The following DNAJC3 variants were observed in gnomAD, a reference collection of about 807,000 sequenced individuals.
The protein encoded by DNAJC3 is dnaJ homolog subfamily C member 3.
A neutral mutation model predicts 68.6 loss-of-function variants in DNAJC3; 38 were observed. That is an observed-to-expected ratio of 0.55 (90% CI 0.43 to 0.73). The LOEUF (loss-of-function observed/expected upper bound fraction) is 0.73, where lower values mean the gene tolerates loss of function less well. DNAJC3 is among the 30% of genes least tolerant of loss of function. The pLI, the probability that DNAJC3 is intolerant of heterozygous loss-of-function variation, is 0.00. For missense variants in DNAJC3, 526 were observed against 591.9 expected (o/e 0.89, Z 1.16); for synonymous variants, 203 against 204.0 (o/e 1.00, Z 0.04).
chr13:95,695,561 C>T (rs958136410), intron 1 of DNAJC3: 1 of 152,254 alleles, frequency 6.6e-6, no homozygotes, highest in African/African-American at 2.4e-5. Context: ...TAGTGGCGGA[C>T]TTGCTTACAG....
intron 9 of DNAJC3, among the ~76,000 whole-genome samples, chr13:95,781,722 C>T (rs761489582): frequency 1.3e-5 from 2 of 150,926 alleles, no homozygotes; most frequent in Non-Finnish European, 2.9e-5. Context: ...ACATGGTATT[C>T]TTTATCTAGG....
chr13:95,696,892 C>T (rs970825313), intron 1 of DNAJC3, among the ~76,000 whole-genome samples: 3 of 151,946 alleles, frequency 2.0e-5, no homozygotes, highest in African/African-American at 4.8e-5. Context: ...ACTACAGGCG[C>T]CCACCACCGC....
intron 1 of DNAJC3, chr13:95,693,254 A>G (rs1880330356): frequency 6.6e-6 from 1 of 152,234 alleles, no homozygotes; most frequent in African/African-American, 2.4e-5. Context: ...CTCCCTTATT[A>G]TTGGCAGCTT....
chr13:95,740,699 G>T (rs1213447776), intron 4 of DNAJC3, among the ~76,000 whole-genome samples: 1 of 152,190 alleles, frequency 6.6e-6, no homozygotes, highest in Non-Finnish European at 1.5e-5. Flanking sequence ...CCACTGACCT[G>T]CGCCCACTGT....
In DNAJC3 at chr13:95,787,049, A is replaced by G; in HGVS notation, c.1251A>G (p.Leu417=). The change falls in exon 11 of 12, where the codon TTA becomes TTG. Residue 417 remains leucine, a synonymous_variant. Coordinates refer to ENST00000602402, the MANE Select transcript of DNAJC3 (RefSeq NM_006260.5). ...KQEIIKAYRK[L]ALQWHPDNFQ... is the part of the protein sequence containing the mutation. ...AAATTATTAAAGCATACCGAAAATT[A>G]GCACTGCAGTGGCACCCAGATAACT... 1 of 1,612,506 alleles carries G rather than the reference A, an allele frequency of 6.2e-7. No individual in the cohort carries two copies. The highest frequency in any genetic ancestry group is 8.5e-7 in the Non-Finnish European group (1 of 1,179,644).
intron 9 of DNAJC3, among the ~76,000 whole-genome samples, chr13:95,783,860 G>A (rs557986442): frequency 2.0e-5 from 3 of 151,878 alleles, no homozygotes; most frequent in Non-Finnish European, 4.4e-5. Flanking sequence ...AGGAAAAGAG[G>A]GAAACAGGAC....
intron 4 of DNAJC3, among the ~76,000 whole-genome samples, chr13:95,732,508 T>C (rs930844314): frequency 6.6e-6 from 1 of 152,152 alleles, no homozygotes; most frequent in African/African-American, 2.4e-5. Context: ...ATTTCTTGGG[T>C]ATGAGTTACA....
At chr13:95,730,800 G>A (rs1040935320) in intron 4 of DNAJC3, among the ~76,000 whole-genome samples, 1 of 151,970 alleles carries the variant, frequency 6.6e-6, no homozygotes, top group African/African-American at 2.4e-5. Flanking sequence ...GCTCTGTTTT[G>A]GTTTCATATG....
chr13:95,746,917 A>G (rs2139663528), intron 4 of DNAJC3, among the ~76,000 whole-genome samples: 1 of 152,308 alleles, frequency 6.6e-6, no homozygotes, highest in East Asian at 1.9e-4. Context: ...CCTCAGGTTC[A>G]TAATTGCTGT....
chr13:95,680,397 C>T (rs3886352), intron 1 of DNAJC3, among the ~76,000 whole-genome samples: 28,802 of 151,874 alleles, frequency 0.19, 3,623 homozygotes, highest in African/African-American at 0.35. Context: ...TTATTTGAAC[C>T]ATGATAAGTT....
intron 1 of DNAJC3, among the ~76,000 whole-genome samples, chr13:95,691,655 T>C (rs1179888152): frequency 6.6e-6 from 1 of 152,002 alleles, no homozygotes; most frequent in African/African-American, 2.4e-5. Flanking sequence ...GACGGGGTGG[T>C]GGCCGGGCAG....
chr13:95,716,544 A>G (rs1329311311), intron 2 of DNAJC3, among the ~76,000 whole-genome samples: 1 of 152,126 alleles, frequency 6.6e-6, no homozygotes, highest in Non-Finnish European at 1.5e-5. Flanking sequence ...GATCATATAC[A>G]TGGGCTGGAA....
At chr13:95,787,336 G>A (rs1195493271) in intron 11 of DNAJC3, among the ~76,000 whole-genome samples, 181 bp downstream of exon 11, 6 of 152,184 alleles carry the variant, frequency 3.9e-5, no homozygotes, top group Admixed American at 3.9e-4. Flanking sequence ...CCCTCCTGTT[G>A]CAGGGTACAG....
rs1477855149 is a variant in DNAJC3 at position 95,743,396 on chromosome 13, GGTCA to G, written c.394-14245_394-14242del. ...CCTTTGCCTTATTTGGATATGGTCT[GGTCA>G]GTTACCTGCCTGTGATTAGTGGCGG... On this transcript the variant is annotated intron_variant, in intron 4 of 11. Transcript: ENST00000602402. Among the ~76,000 whole-genome samples the G allele has an allele frequency of 2.0e-5, 3 of 152,304 alleles. No individual in the cohort carries two copies. In the East Asian group the frequency reaches 5.8e-4, roughly 29 times the overall value.
In DNAJC3 at chr13:95,780,083, C is replaced by T. The variant is rs188569061; in HGVS notation, c.1076-5856C>T. 2.0e-4 allele frequency among the ~76,000 whole-genome samples: 31 copies of T among 152,286 alleles called. No homozygotes were observed. The East Asian group carries it at 5.0e-3, about 25-fold the overall frequency. On this transcript the variant is annotated intron_variant, in intron 9 of 11. Transcript: ENST00000602402. ...CTGTAGTTAACAGTCGCAGTACTCT[C>T]TGCTTCACTGTTTCCACAGACATTC...
chr13:95,743,011 T>C, intron 4 of DNAJC3: 1 of 380,730 alleles, frequency 2.6e-6, no homozygotes, highest in South Asian at 2.0e-5. Context: ...ATCAGATTGC[T>C]TCAGCACCAT....
At chr13:95,740,474 G>A (rs1400980463) in intron 4 of DNAJC3, among the ~76,000 whole-genome samples, 1 of 150,940 alleles carries the variant, frequency 6.6e-6, no homozygotes, top group Non-Finnish European at 1.5e-5. Context: ...CTCCGTGGGC[G>A]TAGGACCCTC....
intron 9 of DNAJC3, among the ~76,000 whole-genome samples, chr13:95,784,266 A>G (rs1398344055): frequency 2.0e-5 from 3 of 152,198 alleles, no homozygotes; most frequent in African/African-American, 7.2e-5. Context: ...TCCCTAGACT[A>G]TCCCCAGATT....
intron 4 of DNAJC3, among the ~76,000 whole-genome samples, chr13:95,733,737 G>C (rs1451236504): frequency 9.7e-6 from 1 of 103,554 alleles, no homozygotes; most frequent in East Asian, 2.7e-4. Flanking sequence ...TAACAGTTCT[G>C]TCTTAAACCG....
Sources: gnomAD v4.1 joint callset for allele counts (sites outside exome capture counted in the v4.1 genomes callset) on GRCh38, gnomAD v4.1.1 for gene constraint, MANE v1.5 for transcripts, NCBI Gene and HGNC (gene_info 2026-07-23, HGNC 2026-07-21) for gene names.